Variants in LRP1B observed in about 807,000 individuals in gnomAD.
LRP1B encodes the protein low-density lipoprotein receptor-related protein 1B.
LRP1B carries 217 observed loss-of-function variants against 556.6 expected under a neutral mutation model. The ratio of observed to expected loss-of-function variants is 0.39; its 90% CI spans 0.35 to 0.44. The LOEUF is 0.44. LRP1B is among the 20% of genes least tolerant of loss of function. The pLI is 1.00. For synonymous variants in LRP1B, 2,047 were observed against 1,865.8 expected (o/e 1.10, Z -2.50); for missense variants, 5,053 against 5,620.8 (o/e 0.90, Z 3.23).
In LRP1B at chr2:140,501,745, A is replaced by C. The variant is rs750156166; in HGVS notation, c.8792T>G (p.Leu2931Trp). Residue 2931 changes from leucine to tryptophan, a missense_variant, in exon 55 of 91, where the codon TTG (leucine) becomes TGG (tryptophan). Coordinates refer to ENST00000389484, the MANE Select transcript of LRP1B (RefSeq NM_018557.3). ...DERNCHINECLSKKVSGCSQD... is the reference protein window; with the variant it reads ...DERNCHINECWSKKVSGCSQD... The stretch of plus-strand genomic sequence containing the variant: ...AGAACATCCACTGACTTTCTTACTC[A>C]AACATTCATTTATATGGCAGTTTCT... The C allele has an allele frequency of 3.1e-6, 5 of 1,612,762 alleles. No individual in the cohort carries two copies. The African/African-American group carries it at 6.7e-5, about 22-fold the overall frequency.
intron 7 of LRP1B, among the ~76,000 whole-genome samples, chr2:141,144,558 T>G: frequency 6.6e-6 from 1 of 152,182 alleles, no homozygotes; most frequent in East Asian, 1.9e-4. Flanking sequence ...GTTAAAAATC[T>G]ACTACTTCTC....
At chr2:141,470,301 G>A (rs1682413918) in intron 3 of LRP1B, among the ~76,000 whole-genome samples, 1 of 152,128 alleles carries the variant, frequency 6.6e-6, no homozygotes, top group Non-Finnish European at 1.5e-5. Context: ...CCAAATGAAA[G>A]CACTAATTTT....
Position 140,776,228 on chromosome 2 carries a change from C to G in LRP1B, c.5370G>C (p.Leu1790=), listed in dbSNP as rs780323925. The G allele has an allele frequency of 1.9e-6, 3 of 1,588,770 alleles. No individual in the cohort carries two copies. The highest frequency in any genetic ancestry group is 2.7e-5 in the African/African-American group (2 of 72,844). ...ATALTIMDKK[L]WWADQNLAQL... is the part of the protein sequence containing the mutation. The stretch of plus-strand genomic sequence containing the variant: ...GGGCTAAGTTTTGGTCTGCCCACCA[C>G]AGTTTCTTATCTAGAAAAAGGAAAG... The change falls in exon 33 of 91, where the codon CTG becomes CTC. Residue 1790 remains leucine, a synonymous_variant. Coordinates refer to ENST00000389484, the MANE Select transcript of LRP1B (RefSeq NM_018557.3).
At chr2:140,278,818 C>T (rs551034758) in intron 84 of LRP1B, among the ~76,000 whole-genome samples, 93 of 152,036 alleles carry the variant, frequency 6.1e-4, no homozygotes, top group African/African-American at 2.2e-3. Flanking sequence ...TTCATTTCTC[C>T]CAGTTCTCAT....
intron 7 of LRP1B, among the ~76,000 whole-genome samples, chr2:141,142,435 A>C (rs1701675417): frequency 6.6e-6 from 1 of 152,194 alleles, no homozygotes; most frequent in Non-Finnish European, 1.5e-5. Context: ...GCTTCAGCAT[A>C]AATAACTCAT....
chr2:140,580,448 C>T (rs901281706), intron 43 of LRP1B, among the ~76,000 whole-genome samples: 1 of 151,988 alleles, frequency 6.6e-6, no homozygotes, highest in East Asian at 1.9e-4. Flanking sequence ...ATTTTAACCA[C>T]GAAATAAAAA....
intron 1 of LRP1B, among the ~76,000 whole-genome samples, chr2:142,052,504 T>C (rs1704496246): frequency 6.6e-6 from 1 of 152,158 alleles, no homozygotes; most frequent in Non-Finnish European, 1.5e-5. Flanking sequence ...TTTCAGTTAA[T>C]TGTGTGCATT....
intron 84 of LRP1B, among the ~76,000 whole-genome samples, chr2:140,279,522 T>C (rs547183127): frequency 6.6e-6 from 1 of 152,146 alleles, no homozygotes; most frequent in South Asian, 2.1e-4. Context: ...TGTATAAATA[T>C]GTGCCATATT....
intron 87 of LRP1B, among the ~76,000 whole-genome samples, chr2:140,245,500 C>T (rs1452767204): frequency 6.6e-6 from 1 of 151,308 alleles, no homozygotes; most frequent in Non-Finnish European, 1.5e-5. Flanking sequence ...TATATTCGAT[C>T]ATTGAGAAAC....
chr2:141,765,184 C>A (rs1694695507), intron 2 of LRP1B, among the ~76,000 whole-genome samples: 1 of 152,112 alleles, frequency 6.6e-6, no homozygotes, highest in Non-Finnish European at 1.5e-5. Flanking sequence ...CTGAGAGAAG[C>A]AGAGATCCGT....
At chr2:141,615,885 G>A (rs565807930) in intron 2 of LRP1B, among the ~76,000 whole-genome samples, 13 of 152,216 alleles carry the variant, frequency 8.5e-5, no homozygotes, top group African/African-American at 2.6e-4. Context: ...AACAGTAATA[G>A]CAAATGAAGA....
At chr2:141,883,451 A>C (rs1041568587) in intron 1 of LRP1B, among the ~76,000 whole-genome samples, 1 of 152,186 alleles carries the variant, frequency 6.6e-6, no homozygotes, top group Non-Finnish European at 1.5e-5. Context: ...TTACCTTTTA[A>C]AAAGGAAATA....
At chr2:141,918,063 C>T (rs10185196) in intron 1 of LRP1B, among the ~76,000 whole-genome samples, 131,051 of 151,986 alleles carry the variant, frequency 0.86, 56,643 homozygotes, top group East Asian at 1. Context: ...ATGGCAATAA[C>T]TGAATTACAT....
rs1205613186 is a variant in LRP1B, at chr2:140,232,101, GC to G, written c.*1084del. ...TCATTGTTCTTCTACAACTTGGAAG[GC>G]CCTTGAATATATTTTGGATAGGGCA... On this transcript the variant is annotated 3_prime_UTR_variant, in exon 91 of 91. Coordinates refer to ENST00000389484, the MANE Select transcript of LRP1B (RefSeq NM_018557.3). The G allele has an allele frequency of 6.6e-6, 1 of 151,228 alleles. No individual in the cohort carries two copies. The highest frequency in any genetic ancestry group is 1.5e-5 in the Non-Finnish European group (1 of 67,534). The allele number at this position is 151,228 out of a possible 1,614,324, so 9.4% of individuals were successfully genotyped here.
In LRP1B at chr2:140,526,975, T is replaced by C. The variant is rs140093537; in HGVS notation, c.7763-625A>G. On this transcript the variant is annotated intron_variant, in intron 47 of 90. Transcript: ENST00000389484. ...GTCATCTATGCTATCTCATACTCTG[T>C]TACATGGCCATATCATCATTAATAT... is the stretch of plus-strand genomic sequence containing the variant. Among the ~76,000 whole-genome samples the C allele has an allele frequency of 9.5e-3, 1,439 of 151,938 alleles. 20 individuals carry two copies. Among genetic ancestry groups the C allele is most frequent in the African/African-American group, 0.031 (1,287 of 41,494 alleles).
chr2:141,704,821 T>C (rs997670168), intron 2 of LRP1B, among the ~76,000 whole-genome samples: 11 of 151,976 alleles, frequency 7.2e-5, no homozygotes, highest in Non-Finnish European at 1.3e-4. Flanking sequence ...TATATCTCTA[T>C]TTCAGGCTGT....
At chr2:140,530,160 C>T (rs922700608) in intron 47 of LRP1B, among the ~76,000 whole-genome samples, 5 of 152,116 alleles carry the variant, frequency 3.3e-5, no homozygotes, top group Admixed American at 2.6e-4. Context: ...CCTCTTACTA[C>T]AGTCTATCAA....
intron 3 of LRP1B, among the ~76,000 whole-genome samples, chr2:141,418,711 C>T (rs72985171): frequency 0.011 from 1,726 of 151,968 alleles, 36 homozygotes; most frequent in African/African-American, 0.039. Context: ...GATTTAGGCT[C>T]TTTGGGATCC....
intron 27 of LRP1B, among the ~76,000 whole-genome samples, chr2:140,862,105 T>C (rs1692815743): frequency 6.6e-6 from 1 of 152,184 alleles, no homozygotes; most frequent in Admixed American, 6.6e-5. Flanking sequence ...AGACCAAAGC[T>C]TCCTTCCTTT....
Sources: allele counts gnomAD v4.1 joint callset (sites outside exome capture counted in the v4.1 genomes callset), GRCh38; gene constraint gnomAD v4.1.1; transcripts MANE v1.5; gene names NCBI Gene and HGNC (gene_info 2026-07-23, HGNC 2026-07-21).